Variants in PRDM10 observed in about 807,000 individuals in gnomAD.
PRDM10 encodes PR/SET domain 10.
A neutral mutation model predicts 133.1 loss-of-function variants in PRDM10; 65 were observed. The observed-to-expected ratio is 0.49, with a 90% CI of 0.40 to 0.60. The LOEUF is 0.60. Among genes scored for constraint, PRDM10 ranks in the 20% least tolerant of loss-of-function variants. PRDM10 has a pLI of 0.00. For missense variants in PRDM10, 1,137 were observed against 1,507.1 expected (o/e 0.75, Z 4.07); for synonymous variants, 582 against 580.4 (o/e 1.00, Z -0.04).
intron 13 of PRDM10, among the ~76,000 whole-genome samples, chr11:129,920,354 C>T (rs551743282): frequency 6.6e-6 from 1 of 152,240 alleles, no homozygotes. Context: ...TTTTTGGTAT[C>T]AGCGGTGTTC....
chr11:129,914,767 C>A lies in PRDM10; in HGVS notation c.2778G>T (p.Ser926=). 1 of 1,614,228 alleles carries A rather than the reference C, an allele frequency of 6.2e-7. No individual in the cohort carries two copies. Among genetic ancestry groups the A allele is most frequent in the Non-Finnish European group, 8.5e-7 (1 of 1,180,050 alleles). ...GCTGCTGGAGGCCAGACGCCGACTG[C>A]GACACAGGGATGTACTGAATTCTCT... ...DYQRIQYIPV[S]QSASGLQQPQ... is the part of the protein sequence containing the mutation. The change falls in exon 17 of 21, where the codon TCG becomes TCT. Residue 926 remains serine, a synonymous_variant. Transcript: ENST00000360871.
At chr11:129,983,577 C>T (rs898776017) in intron 1 of PRDM10, among the ~76,000 whole-genome samples, 2 of 152,164 alleles carry the variant, frequency 1.3e-5, no homozygotes, top group African/African-American at 2.4e-5. Context: ...GGATTACAGG[C>T]GTGAGCCACC....
rs373946342 is a variant in PRDM10 at position 129,914,697 on chromosome 11, G to A, written c.2841+7C>T. The A allele has an allele frequency of 2.3e-5, 37 of 1,614,086 alleles. No homozygotes were observed. The highest frequency in any genetic ancestry group is 1.6e-4 in the Middle Eastern group (1 of 6,084). On this transcript the variant is annotated splice_region_variant and intron_variant, in intron 17 of 20. Transcript: ENST00000360871. ...ATAAGGCAAAGGGAAACCAAGGCAC[G>A]CAGTACCGAGGCCACTTGAACCACT...
intron 19 of PRDM10, among the ~76,000 whole-genome samples, chr11:129,906,640 AT>A (rs1295403133): frequency 6.6e-6 from 1 of 152,090 alleles, no homozygotes; most frequent in Non-Finnish European, 1.5e-5. Context: ...TGAAGGTAAA[AT>A]TTTTTTCTTT....
In PRDM10 at chr11:129,901,391, A is replaced by C. The variant is rs904070148; in HGVS notation, c.*922T>G. 6.5e-6 allele frequency: 1 copy of C among 152,676 alleles called. No homozygotes were observed. Among genetic ancestry groups the C allele is most frequent in the African/African-American group, 2.4e-5 (1 of 41,478 alleles). 9.5% of individuals were successfully genotyped at this position (152,676 alleles called of 1,614,324 possible). A position where few individuals can be genotyped will look rare whatever the true frequency, so the allele number is the denominator to read the frequency against. On this transcript the variant is annotated 3_prime_UTR_variant, in exon 21 of 21. Coordinates refer to ENST00000360871, the MANE Select transcript of PRDM10 (RefSeq NM_199437.2). ...AAATGTACACTTGGTAAGAACAAGG[A>C]ATATATCCTTTACCAATGAATGATA... is the stretch of plus-strand genomic sequence containing the variant.
At chr11:129,906,696 G>C (rs1026709650) in intron 19 of PRDM10, among the ~76,000 whole-genome samples, 4 of 152,140 alleles carry the variant, frequency 2.6e-5, no homozygotes, top group African/African-American at 9.7e-5. Flanking sequence ...CTAGAATCAT[G>C]GCCAGGCACA....
At chr11:129,958,450 T>C (rs1951737682) in intron 2 of PRDM10, among the ~76,000 whole-genome samples, 1 of 152,112 alleles carries the variant, frequency 6.6e-6, no homozygotes. Context: ...AGGACCAGCC[T>C]GGCCAACATG....
chr11:129,995,433 T>A (rs1021619320), intron 1 of PRDM10, among the ~76,000 whole-genome samples: 1 of 152,202 alleles, frequency 6.6e-6, no homozygotes, highest in African/African-American at 2.4e-5. Flanking sequence ...CGTAAACAAG[T>A]GTCTCAGAGA....
intron 1 of PRDM10, among the ~76,000 whole-genome samples, chr11:129,963,148 C>CA (rs199907787): frequency 0.054 from 6,695 of 124,920 alleles, 203 homozygotes; most frequent in Middle Eastern, 0.085. Flanking sequence ...GACTCTATCT[C>CA]AAAAAAAAAA....
chr11:129,992,809 G>A (rs1449770806), intron 1 of PRDM10, among the ~76,000 whole-genome samples: 9 of 152,134 alleles, frequency 5.9e-5, no homozygotes, highest in African/African-American at 2.2e-4. Context: ...GACATTGGAT[G>A]GACTATATAA....
Position 129,912,099 on chromosome 11 carries a change from G to T in PRDM10, c.2968C>A (p.Pro990Thr), listed in dbSNP as rs1950202660. 1 of 1,609,938 alleles carries T rather than the reference G, an allele frequency of 6.2e-7. No individual in the cohort carries two copies. Among genetic ancestry groups the T allele is most frequent in the Admixed American group, 1.7e-5 (1 of 59,674 alleles). ...GAGCAGGGTACCTGGGCGGAGGACG[G>T]GGCCGAGGCGGTAGGCTCGCTGACC... is the stretch of plus-strand genomic sequence containing the variant. ...IQVSEPTASAPSSAQVSGQPL... is the reference protein window; with the variant it reads ...IQVSEPTASATSSAQVSGQPL... Residue 990 changes from proline to threonine, a missense_variant, in exon 18 of 21, where the codon CCG (proline) becomes ACG (threonine). By Grantham distance (38) the Pro-to-Thr change is conservative. This residue lies in a region of PRDM10 where 243 missense variants were observed against 259.2 expected (regional missense o/e 0.94). Coordinates refer to ENST00000360871, the MANE Select transcript of PRDM10 (RefSeq NM_199437.2).
At chr11:129,929,473 T>G in intron 11 of PRDM10, 3 of 1,505,764 alleles carry the variant, frequency 2.0e-6, no homozygotes, top group Non-Finnish European at 2.7e-6. Flanking sequence ...CCAATTGGAT[T>G]GGAAGACTTC....
intron 1 of PRDM10, among the ~76,000 whole-genome samples, chr11:129,974,029 C>G (rs1284610230): frequency 6.6e-6 from 1 of 152,232 alleles, no homozygotes; most frequent in African/African-American, 2.4e-5. Flanking sequence ...CCACCCAGCC[C>G]GGCTTCCAGC....
chr11:129,980,975 G>A (rs1285721643), intron 1 of PRDM10, among the ~76,000 whole-genome samples: 1 of 138,014 alleles, frequency 7.2e-6, no homozygotes, highest in Non-Finnish European at 1.5e-5. Flanking sequence ...AGGTTCAATT[G>A]ATTCTCCTGC....
chr11:129,931,582 T>A (rs956673870), intron 10 of PRDM10, among the ~76,000 whole-genome samples: 2 of 151,432 alleles, frequency 1.3e-5, no homozygotes, highest in Admixed American at 6.6e-5. Context: ...TTTTATTTTT[T>A]TTTTGAGACG....
chr11:129,918,061 G>C lies in PRDM10; in HGVS notation c.2214+478C>G, dbSNP rs1448105453. On this transcript the variant is annotated intron_variant, in intron 14 of 20. Transcript: ENST00000360871. The surrounding 1 kb of genome is among the most constrained non-coding windows in gnomAD (Gnocchi z 5.3). ...CAGGAGAATCGCTTGAACCTGGGAGGGGGAGGTTGCAGTGAGCTGAGATCA... is the reference window on the plus strand; with the variant it reads ...CAGGAGAATCGCTTGAACCTGGGAGCGGGAGGTTGCAGTGAGCTGAGATCA... Among the ~76,000 whole-genome samples, 1 of 152,130 alleles carries C rather than the reference G, an allele frequency of 6.6e-6. No individual in the cohort carries two copies. Among genetic ancestry groups the C allele is most frequent in the Non-Finnish European group, 1.5e-5 (1 of 68,026 alleles).
At chr11:129,922,856 G>A (rs775269906) in intron 13 of PRDM10, among the ~76,000 whole-genome samples, 7 of 152,088 alleles carry the variant, frequency 4.6e-5, no homozygotes, top group Non-Finnish European at 7.4e-5. Context: ...TTAGATGAGC[G>A]TCCTGCTGGC....
At position 129,944,840 on chromosome 11, in the gene PRDM10, G is replaced by A; in HGVS notation, c.693C>T (p.Thr231=). The change falls in exon 6 of 21, where the codon ACC becomes ACT. Residue 231 remains threonine (T), a synonymous_variant. Coordinates refer to ENST00000360871, the MANE Select transcript of PRDM10 (RefSeq NM_199437.2). ...GAGGCCCCTCCACGGGGCCAAACTGGGTGCGCTTGGGGATGCGCCGCTTGG... is the reference window on the plus strand; with the variant it reads ...GAGGCCCCTCCACGGGGCCAAACTGAGTGCGCTTGGGGATGCGCCGCTTGG... ...VFSKRRIPKR[T]QFGPVEGPLV... The A allele has an allele frequency of 6.2e-7, 1 of 1,614,108 alleles. No homozygotes were observed. Among genetic ancestry groups the A allele is most frequent in the Non-Finnish European group, 8.5e-7 (1 of 1,180,014 alleles).
At chr11:129,909,266 A>G (rs1475533360) in intron 19 of PRDM10, among the ~76,000 whole-genome samples, 1 of 150,294 alleles carries the variant, frequency 6.7e-6, no homozygotes, top group Non-Finnish European at 1.5e-5. Context: ...CCTGGCAAAC[A>G]TGGTGAAACC....
Sources: gnomAD v4.1 joint callset for allele counts (sites outside exome capture counted in the v4.1 genomes callset) on GRCh38, gnomAD v4.1.1 for gene constraint, gnomAD v4.1.1 regional missense constraint, Gnocchi (gnomAD v3.1) non-coding constraint, MANE v1.5 for transcripts, NCBI Gene and HGNC (gene_info 2026-07-23, HGNC 2026-07-21) for gene names.